The following SETBP1 variants were observed in gnomAD, a reference collection of about 807,000 sequenced individuals.
The protein encoded by SETBP1 is SET binding protein 1.
SETBP1 carries 9 observed loss-of-function variants against 101.0 expected under a neutral mutation model. That is an observed-to-expected ratio of 0.09 (90% CI 0.05 to 0.16). The LOEUF (loss-of-function observed/expected upper bound fraction) is 0.16. SETBP1 is among the 10% of genes least tolerant of loss of function. The pLI, the probability that SETBP1 is intolerant of heterozygous loss-of-function variation, is 1.00. For synonymous variants in SETBP1, 818 were observed against 788.5 expected, an observed-to-expected ratio of 1.04 and a Z score of -0.63; for missense variants, 1,858 against 2,033.8, an observed-to-expected ratio of 0.91 and a Z score of 1.66.
chr18:44,711,007 T>C lies in SETBP1; in HGVS notation c.486+9175T>C, dbSNP rs184154968. Among the ~76,000 whole-genome samples, 647 of 152,214 alleles carry C rather than the reference T, an allele frequency of 4.3e-3. 19 individuals are homozygous for C. Among genetic ancestry groups the C allele is most frequent in the Admixed American group, 0.04 (611 of 15,298 alleles). On this transcript the variant is annotated intron_variant, in intron 2 of 5. Transcript: ENST00000649279. ...AGACACAACATGCAAACACCTTCACTGATTTTTAGCCACGCCACGTCGTAT... is the reference window on the plus strand; with the variant it reads ...AGACACAACATGCAAACACCTTCACCGATTTTTAGCCACGCCACGTCGTAT...
rs538212929 is a variant in SETBP1, at chr18:45,014,373, T to C, written c.4001-24112T>C. Among the ~76,000 whole-genome samples, 4 of 152,370 alleles carry C rather than the reference T, an allele frequency of 2.6e-5. No individual in the cohort carries two copies. In the South Asian group the frequency reaches 8.3e-4, roughly 32 times the overall value. ...GAAGCAAAGGAGGAGGAATCTGTGC[T>C]GGTGACTCAGGGCACATTCCCCAGC... On this transcript the variant is annotated intron_variant, in intron 4 of 5. Transcript: ENST00000649279.
chr18:44,798,842 T>C (rs191633026), intron 2 of SETBP1, among the ~76,000 whole-genome samples: 39 of 152,322 alleles, frequency 2.6e-4, no homozygotes, highest in East Asian at 3.9e-4. Context: ...TCTTGGAGCC[T>C]GAGACCTGAA....
intron 2 of SETBP1, among the ~76,000 whole-genome samples, chr18:44,742,510 A>G (rs921717353): frequency 6.6e-6 from 1 of 152,218 alleles, no homozygotes; most frequent in Non-Finnish European, 1.5e-5. Context: ...ATTGCTTTTC[A>G]TGATTTGACC....
Position 44,862,842 on chromosome 18 carries a change from G to A in SETBP1, c.487-6388G>A, listed in dbSNP as rs78200716. ...TCTTTTCTCCAGCCTTGGGGTGAGA[G>A]GGATGCTTTAGGGTGCTGGCAGGGT... On this transcript the variant is annotated intron_variant, in intron 2 of 5. Coordinates refer to ENST00000649279, the MANE Select transcript of SETBP1 (RefSeq NM_015559.3). 1.4e-3 allele frequency among the ~76,000 whole-genome samples: 214 copies of A among 152,298 alleles called. 5 individuals are homozygous for A. In the East Asian group the frequency reaches 0.039, roughly 27 times the overall value.
intron 3 of SETBP1, among the ~76,000 whole-genome samples, chr18:44,899,552 G>A (rs1042833021): frequency 5.3e-5 from 8 of 152,142 alleles, no homozygotes; most frequent in Admixed American, 1.3e-4. Flanking sequence ...CTCAGCTCAG[G>A]ACTGGCTTCA....
intron 4 of SETBP1, among the ~76,000 whole-genome samples, chr18:44,994,962 C>G (rs1213550409): frequency 6.6e-6 from 1 of 151,982 alleles, no homozygotes; most frequent in African/African-American, 2.4e-5. Flanking sequence ...TACTCCCAAG[C>G]CTTTTGCCCA....
At chr18:44,716,665 C>A (rs547440811) in intron 2 of SETBP1, among the ~76,000 whole-genome samples, 3 of 152,134 alleles carry the variant, frequency 2.0e-5, no homozygotes, top group Admixed American at 6.5e-5. Context: ...CAGGTTCAAG[C>A]GATCCTCTCA....
At chr18:44,991,356 T>C (rs1027427500) in intron 4 of SETBP1, among the ~76,000 whole-genome samples, 5 of 151,696 alleles carry the variant, frequency 3.3e-5, no homozygotes, top group African/African-American at 1.2e-4. Flanking sequence ...AAAGGCCAGA[T>C]TGGATCTTCA....
chr18:45,037,439 T>C (rs2073419834), intron 4 of SETBP1, among the ~76,000 whole-genome samples: 1 of 152,188 alleles, frequency 6.6e-6, no homozygotes, highest in African/African-American at 2.4e-5. Context: ...TGTTAAGCAC[T>C]TTTATAGCAC....
At chr18:44,852,781 A>C (rs780322415) in intron 2 of SETBP1, among the ~76,000 whole-genome samples, 2 of 152,152 alleles carry the variant, frequency 1.3e-5, no homozygotes, top group Admixed American at 6.5e-5. Flanking sequence ...TCTGCCATGT[A>C]AGCATCTACC....
intron 2 of SETBP1, among the ~76,000 whole-genome samples, chr18:44,829,213 G>A (rs926899966): frequency 6.7e-6 from 1 of 149,928 alleles, no homozygotes; most frequent in African/African-American, 2.4e-5. Context: ...CAGATTAGAC[G>A]TTAAAGTGTT....
intron 4 of SETBP1, among the ~76,000 whole-genome samples, chr18:44,954,761 C>T (rs1443230943): frequency 2.6e-5 from 4 of 152,166 alleles, no homozygotes; most frequent in African/African-American, 4.8e-5. Context: ...AGTGGATGTG[C>T]TCATCTGGGC....
chr18:44,715,957 T>A (rs1044342165), intron 2 of SETBP1, among the ~76,000 whole-genome samples: 1 of 152,200 alleles, frequency 6.6e-6, no homozygotes, highest in Non-Finnish European at 1.5e-5. Flanking sequence ...TTGTCACTTC[T>A]CAGTCATCTG....
intron 3 of SETBP1, among the ~76,000 whole-genome samples, chr18:44,949,347 A>T (rs1164630286): frequency 6.6e-6 from 1 of 152,240 alleles, no homozygotes; most frequent in South Asian, 2.1e-4. Flanking sequence ...GCTGAAATGA[A>T]CTGGAACAGG....
Position 44,952,909 on chromosome 18 carries a change from T to C in SETBP1, c.3569T>C (p.Leu1190Pro), listed in dbSNP as rs752020473. Reference sequence around the variant, plus strand: ...TCCAGCCACATCCTGAGCGAGCGGCTGAGTAGCGCAGACAAAGAGCTCCCG... The same window carrying C: ...TCCAGCCACATCCTGAGCGAGCGGCCGAGTAGCGCAGACAAAGAGCTCCCG... Reference protein sequence around the residue: ...GFSSHILSERLSSADKELPLV... With the variant: ...GFSSHILSERPSSADKELPLV... The change falls in exon 4 of 6, where the codon CTG becomes CCG. Residue 1190 changes from leucine to proline, a missense_variant. Leu to Pro is a moderately conservative substitution (Grantham distance 98). Coordinates refer to ENST00000649279, the MANE Select transcript of SETBP1 (RefSeq NM_015559.3). 6.2e-7 allele frequency: 1 copy of C among 1,614,178 alleles called. No individual in the cohort carries two copies. The highest frequency in any genetic ancestry group is 1.1e-5 in the South Asian group (1 of 91,080).
chr18:44,851,246 GAGA>G (rs1253440098), intron 2 of SETBP1, among the ~76,000 whole-genome samples: 1 of 152,212 alleles, frequency 6.6e-6, no homozygotes, highest in African/African-American at 2.4e-5. Flanking sequence ...GACCATTTCA[GAGA>G]AGGAGGGCCC....
At chr18:44,912,341 A>C (rs2070329302) in intron 3 of SETBP1, among the ~76,000 whole-genome samples, 1 of 152,190 alleles carries the variant, frequency 6.6e-6, no homozygotes, top group South Asian at 2.1e-4. Context: ...CCAAGGAATG[A>C]TGAAATTTAA....
At chr18:44,715,235 A>T (rs527980978) in intron 2 of SETBP1, among the ~76,000 whole-genome samples, 1 of 152,164 alleles carries the variant, frequency 6.6e-6, no homozygotes, top group Non-Finnish European at 1.5e-5. Flanking sequence ...CTGCAGCTTC[A>T]TCCTGGAGAC....
chr18:44,928,867 C>G (rs1317710162), intron 3 of SETBP1, among the ~76,000 whole-genome samples: 1 of 152,056 alleles, frequency 6.6e-6, no homozygotes, highest in Non-Finnish European at 1.5e-5. Flanking sequence ...ACATTTTCTC[C>G]CATTCTGTAG....
Sources: allele counts gnomAD v4.1 joint callset (sites outside exome capture counted in the v4.1 genomes callset), GRCh38; gene constraint gnomAD v4.1.1; transcripts MANE v1.5; gene names NCBI Gene and HGNC (gene_info 2026-07-23, HGNC 2026-07-21).